The following SYNE2 variants were observed in gnomAD, a reference collection of about 807,000 sequenced individuals.
The protein encoded by SYNE2 is nesprin-2.
SYNE2 carries 431 observed loss-of-function variants against 856.3 expected under a neutral mutation model. That is an observed-to-expected ratio of 0.50 (90% CI 0.47 to 0.55). The LOEUF (loss-of-function observed/expected upper bound fraction) is 0.55, where lower values mean the gene tolerates loss of function less well. Among genes scored for constraint, SYNE2 ranks in the 20% least tolerant of loss-of-function variants. The probability of loss-of-function intolerance (pLI) is 0.00; values close to 1 mark genes in which losing one functional copy is unlikely to be tolerated. For missense variants in SYNE2, 8,129 were observed against 8,023.2 expected (o/e 1.01, Z -0.50); for synonymous variants, 2,923 against 2,872.3 (o/e 1.02, Z -0.56).
intron 12 of SYNE2, among the ~76,000 whole-genome samples, 182 bp downstream of exon 12, chr14:63,976,909 A>C (rs1247793760): frequency 6.6e-6 from 1 of 151,740 alleles, no homozygotes; most frequent in Non-Finnish European, 1.5e-5. Context: ...CCATTGTGTT[A>C]GTTTAAGATT....
At chr14:63,978,793 A>T (rs1422364367) in intron 13 of SYNE2, 59 bp from the exon 14 acceptor site, 44 of 1,447,224 alleles carry the variant, frequency 3.0e-5, no homozygotes, top group Non-Finnish European at 3.8e-5. Flanking sequence ...TGCTGAACAG[A>T]TTTCTCACAT....
At chr14:64,207,165 C>T (rs1240365802) in intron 100 of SYNE2, among the ~76,000 whole-genome samples, 1 of 152,192 alleles carries the variant, frequency 6.6e-6, no homozygotes, top group East Asian at 1.9e-4. Context: ...CATTTGTACT[C>T]GGGATCAGTG....
intron 1 of SYNE2, among the ~76,000 whole-genome samples, chr14:63,832,219 C>T (rs967298058): frequency 1.3e-5 from 2 of 151,830 alleles, no homozygotes; most frequent in Admixed American, 6.6e-5. Flanking sequence ...AAAAGGAGGC[C>T]AGCTGAGTGT....
At chr14:63,792,708 C>T (rs1887779227) in intron 1 of SYNE2, among the ~76,000 whole-genome samples, 1 of 151,736 alleles carries the variant, frequency 6.6e-6, no homozygotes, top group Non-Finnish European at 1.5e-5. Flanking sequence ...GCTCTCTCGC[C>T]AAGGTTGGAG....
chr14:63,924,841 T>G (rs902525786), intron 2 of SYNE2, among the ~76,000 whole-genome samples: 3 of 69,400 alleles, frequency 4.3e-5, no homozygotes, highest in African/African-American at 8.0e-5. Context: ...GGTGTTTTTT[T>G]TTTTTTTTTT....
In SYNE2 at chr14:64,216,354, C is replaced by G; in HGVS notation, c.19509C>G (p.Pro6503=). 3 of 1,614,216 alleles carry G rather than the reference C, an allele frequency of 1.9e-6. No homozygotes were observed. The highest frequency in any genetic ancestry group is 2.5e-6 in the Non-Finnish European group (3 of 1,180,048). ...MEGDRNVPPV[P]PASSTPYKPP... ...GTGACAGGAATGTTCCACCTGTTCC[C>G]CCTGCGTCCAGCACCCCTTATAAAC... Residue 6503 remains proline (P), a synonymous_variant, in exon 108 of 116, where the codon CCC becomes CCG. Transcript: ENST00000555002.
At chr14:64,209,324 CAG>C (rs1291334133) in intron 101 of SYNE2, 102 bp from the exon 102 acceptor site, 2 of 1,577,270 alleles carry the variant, frequency 1.3e-6, no homozygotes, top group Non-Finnish European at 1.7e-6. Flanking sequence ...GAAGGGGTAA[CAG>C]GGTCTCCCCC....
intron 47 of SYNE2, 102 bp from the exon 48 acceptor site, chr14:64,051,455 T>C: frequency 1.7e-6 from 2 of 1,166,040 alleles, no homozygotes; most frequent in Non-Finnish European, 2.4e-6. Flanking sequence ...ATTTTTTCTG[T>C]GAATTTAGAG....
intron 46 of SYNE2, 110 bp from the exon 47 acceptor site, chr14:64,049,501 T>C: frequency 1.9e-6 from 2 of 1,050,832 alleles, no homozygotes; most frequent in Non-Finnish European, 2.8e-6. Flanking sequence ...TGCAAATGAG[T>C]TACCCTCTTC....
At chr14:64,154,552 G>C (rs1160376701) in intron 85 of SYNE2, among the ~76,000 whole-genome samples, 1 of 152,084 alleles carries the variant, frequency 6.6e-6, no homozygotes, top group African/African-American at 2.4e-5. Flanking sequence ...CAGCACTTTG[G>C]GAGGCCAAGG....
At chr14:64,056,417 G>T in intron 49 of SYNE2, 151 bp downstream of exon 49, 1 of 623,280 alleles carries the variant, frequency 1.6e-6, no homozygotes, top group Non-Finnish European at 2.6e-6. Context: ...GGAAAATATG[G>T]TTAAGTAGAA....
At chr14:64,100,228 G>C (rs1567296097) in intron 63 of SYNE2, 1 of 151,638 alleles carries the variant, frequency 6.6e-6, no homozygotes. Flanking sequence ...ACTATCGCAA[G>C]AACAAAAAAC....
chr14:63,848,542 C>G (rs943618580), upstream of SYNE2, among the ~76,000 whole-genome samples: 8 of 152,104 alleles, frequency 5.3e-5, no homozygotes, highest in Admixed American at 3.9e-4. Flanking sequence ...GTAAAACAAA[C>G]AAGACATACA....
intron 81 of SYNE2, among the ~76,000 whole-genome samples, 174 bp from the exon 82 acceptor site, chr14:64,141,768 T>C (rs2098140796): frequency 6.6e-6 from 1 of 152,166 alleles, no homozygotes; most frequent in Non-Finnish European, 1.5e-5. Flanking sequence ...AAGGTCATTG[T>C]CATTGTTTTG....
intron 1 of SYNE2, among the ~76,000 whole-genome samples, chr14:63,776,409 A>T (rs1310136321): frequency 6.6e-6 from 1 of 152,084 alleles, no homozygotes; most frequent in Non-Finnish European, 1.5e-5. Context: ...CCATAATGAA[A>T]ATGTTAAATA....
chr14:64,046,434 C>T (rs1393405880), intron 45 of SYNE2, among the ~76,000 whole-genome samples: 1 of 152,182 alleles, frequency 6.6e-6, no homozygotes, highest in Non-Finnish European at 1.5e-5. Context: ...CTCACTGTAG[C>T]CTCAGCCTCC....
At chr14:64,027,319 G>A (rs1567092159) in intron 42 of SYNE2, among the ~76,000 whole-genome samples, 165 bp from the exon 43 acceptor site, 1 of 152,152 alleles carries the variant, frequency 6.6e-6, no homozygotes, top group East Asian at 1.9e-4. Context: ...TGGTTTCTGA[G>A]CTAAACAGTG....
At position 64,208,482 on chromosome 14, in the gene SYNE2, C is replaced by T. The variant is rs560611658; in HGVS notation, c.18202-276C>T. ...ACAGTAATGGCGCCACCTGTCAGTGCGTAGAGGACACCCATCACCGTGGCA... is the reference window on the plus strand; with the variant it reads ...ACAGTAATGGCGCCACCTGTCAGTGTGTAGAGGACACCCATCACCGTGGCA... On this transcript the variant is annotated intron_variant, in intron 100 of 115. Coordinates refer to ENST00000555002, the MANE Select transcript of SYNE2 (RefSeq NM_182914.3). Among the ~76,000 whole-genome samples the T allele has an allele frequency of 3.3e-5, 5 of 152,274 alleles. No individual in the cohort carries two copies. The South Asian group carries it at 6.2e-4, about 19-fold the overall frequency.
rs1220126576 is a variant in SYNE2, at chr14:63,814,207, T to C, written c.-304-38294T>C. Among the ~76,000 whole-genome samples, 9 of 151,336 alleles carry C rather than the reference T, an allele frequency of 5.9e-5. 1 individual carries two copies. The highest frequency in any genetic ancestry group is 3.3e-4 in the Admixed American group (5 of 15,112). On this transcript the variant is annotated intron_variant, in intron 1 of 23. Transcript: ENST00000674003. The stretch of plus-strand genomic sequence containing the variant: ...ATCACTTGAACCCAGGCAGCAGAGG[T>C]TGCAGTGAGCTGAGATCATGCCACT...
Sources: allele counts gnomAD v4.1 joint callset (sites outside exome capture counted in the v4.1 genomes callset), GRCh38; gene constraint gnomAD v4.1.1; transcripts MANE v1.5; gene names NCBI Gene and HGNC (gene_info 2026-07-23, HGNC 2026-07-21).